TTC12: variants seen among roughly 807,000 people sequenced by gnomAD.
TTC12 encodes tetratricopeptide repeat protein 12.
TTC12 carries 70 observed loss-of-function variants against 90.1 expected under a neutral mutation model. The ratio of observed to expected loss-of-function variants is 0.78; its 90% CI spans 0.64 to 0.95. The LOEUF is 0.95. Among genes scored for constraint, TTC12 ranks in the 40% least tolerant of loss-of-function variants. The pLI is 0.00. For missense variants in TTC12, 819 were observed against 846.1 expected (o/e 0.97, Z 0.40); for synonymous variants, 296 against 311.5 (o/e 0.95, Z 0.53).
At chr11:113,372,027 A>C (rs1032403182) in intron 21 of TTC12, among the ~76,000 whole-genome samples, 26 of 152,114 alleles carry the variant, frequency 1.7e-4, no homozygotes, top group Admixed American at 6.5e-5. Flanking sequence ...TGGGGTTCTT[A>C]AATGTGAGGA....
chr11:113,321,960 TA>T (rs1212637523), intron 2 of TTC12, among the ~76,000 whole-genome samples: 3 of 152,176 alleles, frequency 2.0e-5, no homozygotes, highest in African/African-American at 7.2e-5. Flanking sequence ...AATTGTAAAC[TA>T]AGCCACAAAA....
chr11:113,323,280 T>G lies in TTC12; in HGVS notation c.59-8T>G. The G allele has an allele frequency of 6.3e-7, 1 of 1,589,564 alleles. No individual in the cohort carries two copies. Among genetic ancestry groups the G allele is most frequent in the Middle Eastern group, 1.7e-4 (1 of 5,914 alleles). ...GTTTGATTAAGTCACACCTGATTTC[T>G]TCTCTAGCCAATTTAATTCAGGAGA... On this transcript the variant is annotated splice_polypyrimidine_tract_variant and splice_region_variant and intron_variant, in intron 2 of 21. Transcript: ENST00000529221.
At chr11:113,361,263 AC>A (rs1475106983) in intron 18 of TTC12, among the ~76,000 whole-genome samples, 4 of 152,182 alleles carry the variant, frequency 2.6e-5, no homozygotes, top group African/African-American at 9.7e-5. Flanking sequence ...CCCTCTGGAG[AC>A]CTCATTAAAA....
intron 14 of TTC12, 144 bp downstream of exon 14, chr11:113,350,309 C>T (rs2138032724): frequency 1.6e-6 from 1 of 637,426 alleles, no homozygotes. Context: ...AGGGCTGATG[C>T]CTCCCAGGGG....
chr11:113,344,459 G>T lies in TTC12; in HGVS notation c.1154+19G>T, dbSNP rs1555147434. The T allele has an allele frequency of 6.2e-7, 1 of 1,606,102 alleles. No homozygotes were observed. The highest frequency in any genetic ancestry group is 8.5e-7 in the Non-Finnish European group (1 of 1,174,670). On this transcript the variant is annotated intron_variant, in intron 13 of 21. Coordinates refer to ENST00000529221, the MANE Select transcript of TTC12 (RefSeq NM_017868.4). ...TGACCAGGTAAGCCTCTGCTGGCAG[G>T]ATCTTCCTGGGACATCTCATGTCAT...
At chr11:113,343,063 G>C in intron 12 of TTC12, among the ~76,000 whole-genome samples, 1 of 152,114 alleles carries the variant, frequency 6.6e-6, no homozygotes, top group East Asian at 1.9e-4. Context: ...ATAAAATCTT[G>C]ATATATCTAA....
chr11:113,357,657 G>C lies in TTC12; in HGVS notation c.1447-1706G>C, dbSNP rs148013368. On this transcript the variant is annotated intron_variant, in intron 16 of 21. Coordinates refer to ENST00000529221, the MANE Select transcript of TTC12 (RefSeq NM_017868.4). ...GAGGGTTTTATTGTGGTATAAGGTG[G>C]CTTCAGCTGACTGGCTTTATTTCTA... 1.2e-4 allele frequency among the ~76,000 whole-genome samples: 19 copies of C among 152,214 alleles called. No individual in the cohort carries two copies. In the East Asian group the frequency reaches 3.7e-3, roughly 29 times the overall value.
intron 5 of TTC12, among the ~76,000 whole-genome samples, chr11:113,324,951 C>T (rs1947594923): frequency 6.6e-6 from 1 of 152,118 alleles, no homozygotes; most frequent in African/African-American, 2.4e-5. Context: ...GTGAATTGTA[C>T]TAAACAATGC....
intron 2 of TTC12, 63 bp downstream of exon 2, chr11:113,316,378 C>T (rs1001800033): frequency 1.3e-5 from 10 of 795,668 alleles, no homozygotes; most frequent in Middle Eastern, 3.7e-4. Flanking sequence ...TAAATGATTG[C>T]TCTAAGTTCC....
chr11:113,318,951 G>A (rs572605252), intron 2 of TTC12, among the ~76,000 whole-genome samples: 1 of 152,180 alleles, frequency 6.6e-6, no homozygotes, highest in African/African-American at 2.4e-5. Context: ...TCTAATTTAT[G>A]TAATGACTCT....
At chr11:113,349,179 T>C (rs1369194695) in intron 13 of TTC12, among the ~76,000 whole-genome samples, 1 of 152,212 alleles carries the variant, frequency 6.6e-6, no homozygotes, top group Non-Finnish European at 1.5e-5. Flanking sequence ...CACTGAAGTG[T>C]CATCTATTGA....
At chr11:113,367,333 G>A (rs117813852), downstream of TTC12, among the ~76,000 whole-genome samples, 809 of 152,286 alleles carry the variant, frequency 5.3e-3, 1 homozygote, top group Non-Finnish European at 9.5e-3. Flanking sequence ...CTGAGCTTTG[G>A]CTACTGCTTC....
intron 4 of TTC12, 52 bp from the exon 5 acceptor site, chr11:113,324,553 A>G: frequency 4.7e-6 from 7 of 1,494,818 alleles, no homozygotes; most frequent in Non-Finnish European, 6.5e-6. Flanking sequence ...TAAAGAACTG[A>G]TTATAGTATT....
chr11:113,344,096 C>A (rs1555147089), intron 12 of TTC12, among the ~76,000 whole-genome samples, 176 bp from the exon 13 acceptor site: 1 of 152,180 alleles, frequency 6.6e-6, no homozygotes, highest in Admixed American at 6.5e-5. Flanking sequence ...GGTAAGGTCG[C>A]TCCCCTGGGC....
At position 113,323,340 on chromosome 11, in the gene TTC12, T is replaced by C. The variant is rs374653469; in HGVS notation, c.111T>C (p.Ala37=). The stretch of plus-strand genomic sequence containing the variant: ...ATGACCCAGTTGTGCAACAGAAAGC[T>C]GTCCTGGAGACAGAAAAGAGACTAC... ...NSDDPVVQQK[A]VLETEKRLLL... The change falls in exon 3 of 22, where the codon GCT becomes GCC. Residue 37 remains alanine (A), a synonymous_variant. Transcript: ENST00000529221. 3.1e-6 allele frequency: 5 copies of C among 1,611,374 alleles called. No individual in the cohort carries two copies. Among genetic ancestry groups the C allele is most frequent in the Non-Finnish European group, 4.2e-6 (5 of 1,179,224 alleles).
chr11:113,364,030 T>C, intron 20 of TTC12, 103 bp downstream of exon 20: 3 of 730,726 alleles, frequency 4.1e-6, no homozygotes, highest in Non-Finnish European at 7.0e-6. Context: ...AGCAATGCTG[T>C]TAACCTCTCC....
intron 13 of TTC12, among the ~76,000 whole-genome samples, chr11:113,347,343 C>T (rs1178039572): frequency 3.3e-5 from 5 of 152,180 alleles, no homozygotes; most frequent in Admixed American, 6.5e-5. Context: ...ATGTCCTCTG[C>T]GTACCCCCAT....
intron 6 of TTC12, 28 bp downstream of exon 6, chr11:113,325,673 G>A: frequency 6.2e-7 from 1 of 1,609,796 alleles, no homozygotes; most frequent in Non-Finnish European, 8.5e-7. Context: ...GTATCCATGG[G>A]GCTTTCTCAG....
At chr11:113,351,818 G>A (rs1420126116) in intron 15 of TTC12, among the ~76,000 whole-genome samples, 1 of 152,200 alleles carries the variant, frequency 6.6e-6, no homozygotes, top group African/African-American at 2.4e-5. Context: ...TCTGAGAAGG[G>A]AAGGGATTTG....
Sources: gnomAD v4.1 joint callset for allele counts (sites outside exome capture counted in the v4.1 genomes callset) on GRCh38, gnomAD v4.1.1 for gene constraint, MANE v1.5 for transcripts, NCBI Gene and HGNC (gene_info 2026-07-23, HGNC 2026-07-21) for gene names.